ENOX1: variants seen among roughly 807,000 people sequenced by gnomAD.
ENOX1 encodes candidate growth-related and time keeping constitutive hydroquinone (NADH) oxidase.
In ENOX1, 42 loss-of-function variants were observed where a neutral mutation model predicts 82.5. That is an observed-to-expected ratio of 0.51 (90% confidence interval 0.40 to 0.66). The LOEUF (loss-of-function observed/expected upper bound fraction) is 0.66. ENOX1 is among the 30% of genes least tolerant of loss of function. ENOX1 has a pLI of 0.00. For missense variants in ENOX1, 608 were observed against 811.6 expected (o/e 0.75, Z 3.05); for synonymous variants, 271 against 282.2 (o/e 0.96, Z 0.40).
chr13:43,558,900 T>C (rs1360243435), intron 2 of ENOX1, among the ~76,000 whole-genome samples: 1 of 152,208 alleles, frequency 6.6e-6, no homozygotes, highest in African/African-American at 2.4e-5. Context: ...CTGAATCCTC[T>C]ACTTATATCC....
intron 2 of ENOX1, among the ~76,000 whole-genome samples, chr13:43,512,258 C>T (rs2077397353): frequency 6.6e-6 from 1 of 152,064 alleles, no homozygotes; most frequent in African/African-American, 2.4e-5. Flanking sequence ...GTACTATATA[C>T]TTCTAATTAC....
chr13:43,773,391 A>C (rs1454356827), intron 1 of ENOX1, among the ~76,000 whole-genome samples: 2 of 152,220 alleles, frequency 1.3e-5, no homozygotes, highest in East Asian at 3.8e-4. Context: ...AAAACACTTC[A>C]GTGGCTCTCC....
chr13:43,425,946 G>T (rs1179434444), intron 3 of ENOX1, among the ~76,000 whole-genome samples: 1 of 152,132 alleles, frequency 6.6e-6, no homozygotes, highest in Non-Finnish European at 1.5e-5. Flanking sequence ...AAAGCAAAAT[G>T]ATTTAAAAAA....
chr13:43,545,895 T>C (rs2078953228), intron 2 of ENOX1: 1 of 152,264 alleles, frequency 6.6e-6, no homozygotes, highest in African/African-American at 2.4e-5. Flanking sequence ...CACAGACCTC[T>C]GATAGGTGCA....
intron 1 of ENOX1, among the ~76,000 whole-genome samples, chr13:43,713,411 G>A (rs547485696): frequency 4.6e-4 from 70 of 151,964 alleles, no homozygotes; most frequent in Middle Eastern, 3.4e-3. Flanking sequence ...TTGGTACCAA[G>A]ATGATGCTGG....
intron 3 of ENOX1, among the ~76,000 whole-genome samples, chr13:43,420,318 T>C (rs1001373634): frequency 2.0e-5 from 3 of 152,252 alleles, no homozygotes; most frequent in Non-Finnish European, 1.5e-5. Flanking sequence ...ACTATGTAAC[T>C]GTAGATCAAT....
At chr13:43,508,892 C>T (rs745632581) in intron 2 of ENOX1, among the ~76,000 whole-genome samples, 2 of 151,740 alleles carry the variant, frequency 1.3e-5, no homozygotes, top group Non-Finnish European at 2.9e-5. Context: ...CATTATAAGC[C>T]CTCCTATACT....
At chr13:43,351,094 A>G (rs1283978930) in intron 8 of ENOX1, among the ~76,000 whole-genome samples, 1 of 152,238 alleles carries the variant, frequency 6.6e-6, no homozygotes, top group Admixed American at 6.5e-5. Flanking sequence ...ACAGTCACAG[A>G]GTCATCTAAG....
At chr13:43,609,859 A>G (rs1404810174) in intron 2 of ENOX1, 1 of 930,894 alleles carries the variant, frequency 1.1e-6, no homozygotes, top group Non-Finnish European at 1.3e-6. Context: ...TAAGAAAAAC[A>G]TTAATCTACT....
intron 1 of ENOX1, among the ~76,000 whole-genome samples, chr13:43,747,342 A>T (rs1032300652): frequency 1.3e-5 from 2 of 152,194 alleles, no homozygotes; most frequent in Non-Finnish European, 2.9e-5. Context: ...GTAGTATTCT[A>T]GTGAATTCTA....
intron 2 of ENOX1, among the ~76,000 whole-genome samples, chr13:43,511,387 T>C (rs1307192920): frequency 6.6e-6 from 1 of 152,198 alleles, no homozygotes; most frequent in Non-Finnish European, 1.5e-5. Flanking sequence ...ATTTTATAGA[T>C]TAACTGCACA....
intron 1 of ENOX1, among the ~76,000 whole-genome samples, chr13:43,721,569 G>A (rs898219767): frequency 2.2e-4 from 34 of 151,308 alleles, no homozygotes; most frequent in Admixed American, 2.6e-4. Context: ...TAGTAGAGAC[G>A]GGGTTTCACC....
At chr13:43,215,777 A>G (rs1463796110) in intron 16 of ENOX1, among the ~76,000 whole-genome samples, 1 of 152,176 alleles carries the variant, frequency 6.6e-6, no homozygotes, top group Non-Finnish European at 1.5e-5. Context: ...TTGTTAAAAA[A>G]ATCAGATCCC....
At chr13:43,412,131 T>A (rs557713387) in intron 4 of ENOX1, 78 bp from the exon 5 acceptor site, 14 of 1,537,464 alleles carry the variant, frequency 9.1e-6, no homozygotes, top group Non-Finnish European at 1.2e-5. Flanking sequence ...TTTCTAGATA[T>A]GTGAGGCTTC....
At chr13:43,683,318 G>A (rs1051328811) in intron 1 of ENOX1, among the ~76,000 whole-genome samples, 1 of 152,094 alleles carries the variant, frequency 6.6e-6, no homozygotes, top group Admixed American at 6.6e-5. Context: ...GAAGGAAATG[G>A]GGAGCTCAGA....
At chr13:43,539,518 G>A (rs2078618344) in intron 2 of ENOX1, among the ~76,000 whole-genome samples, 1 of 151,974 alleles carries the variant, frequency 6.6e-6, no homozygotes, top group East Asian at 1.9e-4. Context: ...TTACTGTCTT[G>A]TAGCTTAAAT....
chr13:43,296,365 G>T (rs9316008), intron 12 of ENOX1, among the ~76,000 whole-genome samples: 1 of 151,952 alleles, frequency 6.6e-6, no homozygotes, highest in African/African-American at 2.4e-5. Flanking sequence ...TGAAGGCAGA[G>T]AGCAGGGTGA....
At chr13:43,437,345 A>G (rs1388700064) in intron 3 of ENOX1, among the ~76,000 whole-genome samples, 1 of 152,232 alleles carries the variant, frequency 6.6e-6, no homozygotes, top group Non-Finnish European at 1.5e-5. Context: ...AGACATTCAC[A>G]GAACAAGCCA....
At chr13:43,736,519 G>A (rs1011454784) in intron 1 of ENOX1, among the ~76,000 whole-genome samples, 2 of 152,172 alleles carry the variant, frequency 1.3e-5, no homozygotes, top group Non-Finnish European at 2.9e-5. Flanking sequence ...AGGTGAGCAA[G>A]CTGTCTGTCA....
Sources: gnomAD v4.1 joint callset for allele counts (sites outside exome capture counted in the v4.1 genomes callset) on GRCh38, gnomAD v4.1.1 for gene constraint, MANE v1.5 for transcripts, NCBI Gene and HGNC (gene_info 2026-07-23, HGNC 2026-07-21) for gene names.